HMBOX1: variants seen among roughly 807,000 people sequenced by gnomAD.
HMBOX1 encodes the protein homeobox-containing protein 1.
Under a neutral mutation model 54.5 loss-of-function variants are expected in HMBOX1, and 14 were observed. The observed-to-expected ratio is 0.26, with a 90% confidence interval of 0.17 to 0.40. The LOEUF (loss-of-function observed/expected upper bound fraction) is 0.40. Ranked by LOEUF, HMBOX1 falls within the 10% of genes least tolerant of loss-of-function variation. The pLI, the probability that HMBOX1 is intolerant of heterozygous loss-of-function variation, is 1.00. For missense variants in HMBOX1, 332 were observed against 514.4 expected, an observed-to-expected ratio of 0.65 and a Z score of 3.43; for synonymous variants, 160 against 181.0, an observed-to-expected ratio of 0.88 and a Z score of 0.93.
intron 1 of HMBOX1, among the ~76,000 whole-genome samples, chr8:28,956,716 T>C (rs1824523731): frequency 6.6e-6 from 1 of 152,220 alleles, no homozygotes; most frequent in Non-Finnish European, 1.5e-5. Flanking sequence ...TTACAGTGGC[T>C]TTTGAATGTA....
intron 2 of HMBOX1, among the ~76,000 whole-genome samples, chr8:28,966,221 T>A (rs1826412743): frequency 2.0e-5 from 3 of 152,210 alleles, no homozygotes; most frequent in African/African-American, 7.2e-5. Flanking sequence ...CATATTCAAG[T>A]CAGGATAAAA....
intron 4 of HMBOX1, among the ~76,000 whole-genome samples, chr8:29,006,799 A>G (rs756220729): frequency 1.3e-5 from 2 of 152,144 alleles, no homozygotes; most frequent in African/African-American, 2.4e-5. Flanking sequence ...TGTTCTATGT[A>G]TGATCTGATT....
intron 4 of HMBOX1, among the ~76,000 whole-genome samples, chr8:29,006,573 A>G (rs1015755543): frequency 5.3e-5 from 8 of 152,026 alleles, no homozygotes; most frequent in Middle Eastern, 3.2e-3. Flanking sequence ...CTTGATATTG[A>G]TGGCTTTTTA....
intron 1 of HMBOX1, among the ~76,000 whole-genome samples, chr8:28,928,965 T>A (rs1430008256): frequency 2.0e-5 from 3 of 152,150 alleles, no homozygotes; most frequent in African/African-American, 7.2e-5. Flanking sequence ...GTGCAAACTG[T>A]TGGTTATAAG....
At chr8:29,014,878 C>A (rs1460464682) in intron 5 of HMBOX1, among the ~76,000 whole-genome samples, 1 of 152,128 alleles carries the variant, frequency 6.6e-6, no homozygotes, top group East Asian at 1.9e-4. Flanking sequence ...CAGGGTTTCA[C>A]CATGTTGGTC....
At chr8:29,000,242 C>CT (rs1023532319) in intron 4 of HMBOX1, among the ~76,000 whole-genome samples, 2 of 152,190 alleles carry the variant, frequency 1.3e-5, no homozygotes, top group Non-Finnish European at 2.9e-5. Context: ...TTGGGCATAC[C>CT]TTTAATGCTC....
At position 28,980,098 on chromosome 8, in the gene HMBOX1, A is replaced by C. The variant is rs1418629894; in HGVS notation, c.528A>C (p.Glu176Asp). ...GGGACAGCAGTGTGATAAAAGAGGAAATCAAAGCCTTTCTTGCCAATCGGA... is the reference window on the plus strand; with the variant it reads ...GGGACAGCAGTGTGATAAAAGAGGACATCAAAGCCTTTCTTGCCAATCGGA... ...MRRDSSVIKE[E>D]IKAFLANRRI... is the part of the protein sequence containing the mutation. Residue 176 changes from glutamate to aspartate, a missense_variant, in exon 4 of 10, where the codon GAA becomes GAC. Around this residue, in one of 4 missense-constraint regions of HMBOX1, gnomAD observed 117 missense variants for 220.0 expected, o/e 0.53. Coordinates refer to ENST00000287701, the MANE Select transcript of HMBOX1 (RefSeq NM_001135726.3). 3.1e-6 allele frequency: 5 copies of C among 1,613,828 alleles called. No individual in the cohort carries two copies. Among genetic ancestry groups the C allele is most frequent in the Non-Finnish European group, 4.2e-6 (5 of 1,179,728 alleles).
intron 1 of HMBOX1, among the ~76,000 whole-genome samples, chr8:28,917,571 CTT>C (rs907242514): frequency 7.3e-5 from 11 of 151,642 alleles, no homozygotes; most frequent in African/African-American, 2.7e-4. Flanking sequence ...CTGACTAAAA[CTT>C]TTGGTATGAT....
At chr8:28,960,753 C>CTTTTTTTT (rs1023356056) in intron 1 of HMBOX1, among the ~76,000 whole-genome samples, 7 of 65,638 alleles carry the variant, frequency 1.1e-4, no homozygotes, top group Admixed American at 3.9e-4. Context: ...TTCTCTTTTT[C>CTTTTTTTT]TTTTTCTTTT....
intron 4 of HMBOX1, among the ~76,000 whole-genome samples, chr8:28,989,585 A>T (rs1830682046): frequency 6.6e-6 from 1 of 152,208 alleles, no homozygotes. Flanking sequence ...GTCTATCCTT[A>T]TACCAATACA....
intron 8 of HMBOX1, chr8:29,048,645 A>G (rs1586696155): frequency 9.4e-6 from 2 of 212,754 alleles, no homozygotes; most frequent in East Asian, 2.0e-4. Flanking sequence ...CTTTTTATTC[A>G]TCAGTACAGT....
At position 28,954,494 on chromosome 8, in the gene HMBOX1, C is replaced by G. The variant is rs186772939; in HGVS notation, c.-57-9317C>G. On this transcript the variant is annotated intron_variant, in intron 1 of 9. Transcript: ENST00000287701. Reference sequence around the variant, plus strand: ...ATTCTTCTTAATACTTCTTTCTTCCCTGATTTAAATATTCTGTCCTTTCTG... The same window carrying G: ...ATTCTTCTTAATACTTCTTTCTTCCGTGATTTAAATATTCTGTCCTTTCTG... 3.9e-4 allele frequency among the ~76,000 whole-genome samples: 60 copies of G among 152,176 alleles called. 1 individual carries two copies. In the East Asian group the frequency reaches 5.2e-3, roughly 13 times the overall value.
At chr8:28,908,591 C>A (rs1019602480) in intron 1 of HMBOX1, among the ~76,000 whole-genome samples, 1 of 152,066 alleles carries the variant, frequency 6.6e-6, no homozygotes, top group Non-Finnish European at 1.5e-5. Context: ...CCTGTCTCTA[C>A]CAAAAATACA....
chr8:29,032,408 A>G, intron 6 of HMBOX1, among the ~76,000 whole-genome samples: 1 of 152,082 alleles, frequency 6.6e-6, no homozygotes, highest in East Asian at 1.9e-4. Context: ...TTTCTACATG[A>G]TCAAGGAAAC....
intron 1 of HMBOX1, among the ~76,000 whole-genome samples, chr8:28,928,962 CTG>C (rs1334676579): frequency 3.3e-5 from 5 of 152,086 alleles, no homozygotes; most frequent in Non-Finnish European, 7.3e-5. Flanking sequence ...AGGGTGCAAA[CTG>C]TTGGTTATAA....
At position 29,027,094 on chromosome 8, in the gene HMBOX1, T is replaced by A. The variant is rs367831883; in HGVS notation, c.851+8181T>A. On this transcript the variant is annotated intron_variant, in intron 6 of 9. Transcript: ENST00000287701. ...AATTGACTAATATTTATTCTTTTTT[T>A]AATAAAGCATTTGCTGTGTGTTAGC... Among the ~76,000 whole-genome samples, 322 of 152,364 alleles carry A rather than the reference T, an allele frequency of 2.1e-3. 3 individuals are homozygous for A. The highest frequency in any genetic ancestry group is 9.9e-3 in the South Asian group (48 of 4,828).
intron 4 of HMBOX1, among the ~76,000 whole-genome samples, chr8:29,002,108 AG>A (rs1204724052): frequency 6.6e-6 from 1 of 152,138 alleles, no homozygotes; most frequent in Admixed American, 6.5e-5. Flanking sequence ...GTTTTGGTTC[AG>A]GGGGGTCTCA....
intron 3 of HMBOX1, among the ~76,000 whole-genome samples, chr8:28,977,743 A>G (rs774786303): frequency 7.2e-4 from 110 of 152,126 alleles, no homozygotes; most frequent in Non-Finnish European, 1.3e-3. Flanking sequence ...GATCAAGACC[A>G]TCCTGGCTAA....
intron 6 of HMBOX1, among the ~76,000 whole-genome samples, chr8:29,040,754 C>T (rs142410053): frequency 6.6e-6 from 1 of 152,116 alleles, no homozygotes; most frequent in East Asian, 1.9e-4. Context: ...TTTTCTTTAG[C>T]CTTTGATTTG....
Sources: gnomAD v4.1 joint callset for allele counts (sites outside exome capture counted in the v4.1 genomes callset) on GRCh38, gnomAD v4.1.1 for gene constraint, gnomAD v4.1.1 regional missense constraint, MANE v1.5 for transcripts, NCBI Gene and HGNC (gene_info 2026-07-23, HGNC 2026-07-21) for gene names.